The following CSMD1 variants were observed in gnomAD, a reference collection of about 807,000 sequenced individuals.
CSMD1 encodes the protein CUB and sushi domain-containing protein 1.
A neutral mutation model predicts 417.5 loss-of-function variants in CSMD1; 213 were observed. That is an observed-to-expected ratio of 0.51 (90% confidence interval 0.46 to 0.57). The LOEUF is 0.57. Ranked by LOEUF, CSMD1 falls within the 20% of genes least tolerant of loss-of-function variation. CSMD1 has a pLI of 0.00. For synonymous variants in CSMD1, 2,862 were observed against 1,736.8 expected, an observed-to-expected ratio of 1.65 and a Z score of -16.11; for missense variants, 6,923 against 4,529.7, an observed-to-expected ratio of 1.53 and a Z score of -15.17.
chr8:3,357,424 A>G (rs1808866683), intron 21 of CSMD1, among the ~76,000 whole-genome samples: 2 of 152,230 alleles, frequency 1.3e-5, no homozygotes, highest in African/African-American at 2.4e-5. Flanking sequence ...TAAACACGTT[A>G]TTACATGGAA....
chr8:4,919,680 G>A (rs927638043), intron 1 of CSMD1, among the ~76,000 whole-genome samples: 1 of 152,142 alleles, frequency 6.6e-6, no homozygotes, highest in African/African-American at 2.4e-5. Context: ...AACATAGGAG[G>A]TGTGAATCTG....
At position 2,951,198 on chromosome 8, in the gene CSMD1, G is replaced by A; in HGVS notation, c.10117C>T (p.Leu3373=). The change falls in exon 66 of 70, where the codon CTA becomes TTA. Residue 3373 remains leucine (L), a synonymous_variant. Coordinates refer to ENST00000635120, the MANE Select transcript of CSMD1 (RefSeq NM_033225.6). ...EYLGKRQPAT[L]TVDWFNATSS... ...GTTGCATTGAACCAGTCAACAGTTAGAGTGGCGGGTTGTCTTTTCCCTAAA... is the reference window on the plus strand; with the variant it reads ...GTTGCATTGAACCAGTCAACAGTTAAAGTGGCGGGTTGTCTTTTCCCTAAA... 1 of 1,612,998 alleles carries A rather than the reference G, an allele frequency of 6.2e-7. No individual in the cohort carries two copies. Among genetic ancestry groups the A allele is most frequent in the Non-Finnish European group, 8.5e-7 (1 of 1,179,434 alleles).
intron 1 of CSMD1, among the ~76,000 whole-genome samples, chr8:4,925,537 C>CT (rs113682113): frequency 0.95 from 139,076 of 145,926 alleles, 66,456 homozygotes; most frequent in Non-Finnish European, 1. Context: ...CTGGCATTTT[C>CT]TTTTTTTTTT....
intron 41 of CSMD1, among the ~76,000 whole-genome samples, chr8:3,126,339 G>A (rs958140847): frequency 3.3e-5 from 5 of 152,154 alleles, no homozygotes; most frequent in African/African-American, 7.2e-5. Flanking sequence ...CAAAGCCCTC[G>A]AGCAACTGCT....
rs958012130 is a variant in CSMD1 at position 4,994,722 on chromosome 8, G to C, written c.-306C>G. 4 of 344,928 alleles carry C rather than the reference G, an allele frequency of 1.2e-5. No homozygotes were observed. The highest frequency in any genetic ancestry group is 9.2e-5 in the South Asian group (2 of 21,626). The allele number at this position is 344,928 out of a possible 1,614,324, so 21.4% of individuals were successfully genotyped here. A position where few individuals can be genotyped will look rare whatever the true frequency, so the allele number is the denominator to read the frequency against. ...GAAGGCACCAAGGCGGCGAGGCTGC[G>C]GGAGGGGGAGAAGCGGGGAGAGGAG... On this transcript the variant is annotated 5_prime_UTR_variant, in exon 1 of 70. Transcript: ENST00000635120.
intron 50 of CSMD1, among the ~76,000 whole-genome samples, chr8:3,030,050 C>A (rs641282): frequency 0.84 from 127,224 of 151,960 alleles, 53,792 homozygotes; most frequent in African/African-American, 0.94. Flanking sequence ...AATACTGTTT[C>A]CAAAAATGTT....
At chr8:4,587,065 A>C (rs911652426) in intron 2 of CSMD1, among the ~76,000 whole-genome samples, 1 of 152,180 alleles carries the variant, frequency 6.6e-6, no homozygotes, top group Non-Finnish European at 1.5e-5. Context: ...TTAATCCATG[A>C]AACATTGCTT....
At chr8:4,206,890 A>T (rs1310444910) in intron 3 of CSMD1, among the ~76,000 whole-genome samples, 1 of 152,232 alleles carries the variant, frequency 6.6e-6, no homozygotes, top group Non-Finnish European at 1.5e-5. Context: ...CATAGTTCAG[A>T]AACTAAATAT....
intron 1 of CSMD1, among the ~76,000 whole-genome samples, chr8:4,831,679 C>A (rs1250532442): frequency 6.6e-6 from 1 of 152,186 alleles, no homozygotes; most frequent in Non-Finnish European, 1.5e-5. Context: ...GTTCATACTT[C>A]AATGAAATGG....
At chr8:4,188,835 TA>T (rs142801254) in intron 3 of CSMD1, among the ~76,000 whole-genome samples, 36 of 146,590 alleles carry the variant, frequency 2.5e-4, no homozygotes, top group Middle Eastern at 3.6e-3. Context: ...GGAGGGATAT[TA>T]AAAAAAAAAA....
In CSMD1 at chr8:3,878,457, C is replaced by T. The variant is rs988999606; in HGVS notation, c.818+119446G>A. ...ACCAGTCTTGCCTTTCCAGTGTAAA[C>T]ATGAACAGACTCTTAAATATTAACT... is the stretch of plus-strand genomic sequence containing the variant. On this transcript the variant is annotated intron_variant, in intron 5 of 69. Coordinates refer to ENST00000635120, the MANE Select transcript of CSMD1 (RefSeq NM_033225.6). Among the ~76,000 whole-genome samples, 5 of 152,102 alleles carry T rather than the reference C, an allele frequency of 3.3e-5. 1 individual carries two copies. Among genetic ancestry groups the T allele is most frequent in the Admixed American group, 1.3e-4 (2 of 15,266 alleles).
At chr8:3,857,800 C>G (rs953885778) in intron 5 of CSMD1, among the ~76,000 whole-genome samples, 20 of 152,184 alleles carry the variant, frequency 1.3e-4, no homozygotes, top group Non-Finnish European at 1.2e-4. Context: ...GGATACAACA[C>G]CAGGCCAGAG....
intron 3 of CSMD1, among the ~76,000 whole-genome samples, chr8:4,073,494 C>G (rs1412847941): frequency 6.6e-6 from 1 of 152,132 alleles, no homozygotes; most frequent in Non-Finnish European, 1.5e-5. Flanking sequence ...CTGTCCTCAT[C>G]CAATATTCTT....
chr8:4,517,145 A>G (rs1050542800), intron 2 of CSMD1, among the ~76,000 whole-genome samples: 9 of 152,244 alleles, frequency 5.9e-5, no homozygotes, highest in Admixed American at 5.9e-4. Context: ...AAACATGATT[A>G]TAAGTACCTA....
intron 1 of CSMD1, among the ~76,000 whole-genome samples, chr8:4,664,331 G>T (rs571636788): frequency 6.6e-6 from 1 of 152,134 alleles, no homozygotes; most frequent in African/African-American, 2.4e-5. Flanking sequence ...AGGCTGAGGC[G>T]GGCGGATCAC....
chr8:4,288,393 C>G (rs1161247109), intron 3 of CSMD1, among the ~76,000 whole-genome samples: 1 of 152,142 alleles, frequency 6.6e-6, no homozygotes, highest in East Asian at 1.9e-4. Flanking sequence ...CAAGAATGAC[C>G]TACAAATATC....
intron 5 of CSMD1, among the ~76,000 whole-genome samples, chr8:3,997,193 G>T (rs1815283914): frequency 2.0e-5 from 3 of 152,166 alleles, no homozygotes; most frequent in African/African-American, 4.8e-5. Flanking sequence ...ATTCAAGATA[G>T]AAATTAAGGC....
chr8:4,718,580 A>G (rs916016406), intron 1 of CSMD1, among the ~76,000 whole-genome samples: 1 of 152,070 alleles, frequency 6.6e-6, no homozygotes, highest in Non-Finnish European at 1.5e-5. Flanking sequence ...TAAAACATGA[A>G]AAGGAGGAGA....
chr8:3,035,056 A>T (rs1170718553), intron 50 of CSMD1, among the ~76,000 whole-genome samples: 5 of 152,146 alleles, frequency 3.3e-5, no homozygotes, highest in Non-Finnish European at 5.9e-5. Context: ...GACAAAGTGG[A>T]GTTACAGTCA....
Sources: allele counts gnomAD v4.1 joint callset (sites outside exome capture counted in the v4.1 genomes callset), GRCh38; gene constraint gnomAD v4.1.1; transcripts MANE v1.5; gene names NCBI Gene and HGNC (gene_info 2026-07-23, HGNC 2026-07-21).